DLGAP1: variants seen among roughly 807,000 people sequenced by gnomAD.
DLGAP1 encodes DLG associated protein 1.
DLGAP1 carries 11 observed loss-of-function variants against 90.8 expected under a neutral mutation model. The observed-to-expected ratio is 0.12, with a 90% CI of 0.08 to 0.20. DLGAP1 has a LOEUF of 0.20. DLGAP1 is among the 10% of genes least tolerant of loss of function. DLGAP1 has a pLI of 1.00. For synonymous variants in DLGAP1, 558 were observed against 540.7 expected (o/e 1.03, Z -0.44); for missense variants, 1,050 against 1,333.8 (o/e 0.79, Z 3.31).
chr18:4,216,659 C>A (rs1353597114), intron 1 of DLGAP1, among the ~76,000 whole-genome samples: 1 of 152,084 alleles, frequency 6.6e-6, no homozygotes, highest in African/African-American at 2.4e-5. Context: ...TTAGAATAGA[C>A]AACTTCTATC....
In DLGAP1 at chr18:4,103,526, T is replaced by C. The variant is rs533880674; in HGVS notation, c.-159+47654A>G. ...TTCTGGCCAACTTGATTAAATCTTT[T>C]ATTAGTCCTACATAGATAATAATAT... is the stretch of plus-strand genomic sequence containing the variant. On this transcript the variant is annotated intron_variant, in intron 2 of 12. Transcript: ENST00000315677. Among the ~76,000 whole-genome samples, 246 of 152,292 alleles carry C rather than the reference T, an allele frequency of 1.6e-3. 1 individual carries two copies. The highest frequency in any genetic ancestry group is 2.0e-3 in the Admixed American group (31 of 15,308).
intron 1 of DLGAP1, among the ~76,000 whole-genome samples, chr18:4,423,892 G>A (rs1160922862): frequency 5.0e-5 from 7 of 141,286 alleles, no homozygotes; most frequent in Non-Finnish European, 9.1e-5. Flanking sequence ...GTTGGCTCCC[G>A]CCTGTAATCC....
At position 3,786,559 on chromosome 18, in the gene DLGAP1, G is replaced by A. The variant is rs139869261; in HGVS notation, c.1172+27500C>T. On this transcript the variant is annotated intron_variant, in intron 5 of 12. Coordinates refer to ENST00000315677, the MANE Select transcript of DLGAP1 (RefSeq NM_004746.4). ...CTTGGGTTTGGACTAGCTATGGTGC[G>A]TGCCAGCATGGAACTCTCCAACTTC... 1.4e-3 allele frequency among the ~76,000 whole-genome samples: 220 copies of A among 152,188 alleles called. 2 individuals are homozygous for A. The highest frequency in any genetic ancestry group is 5.1e-3 in the African/African-American group (213 of 41,534).
At chr18:4,395,430 T>C (rs954907605) in intron 1 of DLGAP1, among the ~76,000 whole-genome samples, 2 of 152,304 alleles carry the variant, frequency 1.3e-5, no homozygotes, top group African/African-American at 4.8e-5. Context: ...TTAAAATTAT[T>C]ATTTCTAGCA....
intron 5 of DLGAP1, among the ~76,000 whole-genome samples, chr18:3,803,055 A>C (rs891591379): frequency 6.6e-6 from 1 of 152,204 alleles, no homozygotes; most frequent in Non-Finnish European, 1.5e-5. Context: ...TGGGAGGAAG[A>C]AGCTCTGCCT....
intron 1 of DLGAP1, among the ~76,000 whole-genome samples, chr18:4,170,385 C>T (rs2077002658): frequency 6.6e-6 from 1 of 152,050 alleles, no homozygotes; most frequent in Non-Finnish European, 1.5e-5. Flanking sequence ...GTCTATTAGA[C>T]ATCCTAATAA....
chr18:4,209,798 T>C (rs551186903), intron 1 of DLGAP1, among the ~76,000 whole-genome samples: 2 of 152,288 alleles, frequency 1.3e-5, no homozygotes, highest in South Asian at 4.1e-4. Flanking sequence ...TATAATAGTG[T>C]ATAAGAAAGA....
At chr18:4,252,723 A>C (rs1362399327) in intron 1 of DLGAP1, among the ~76,000 whole-genome samples, 1 of 152,258 alleles carries the variant, frequency 6.6e-6, no homozygotes, top group East Asian at 1.9e-4. Context: ...TGCAGAATTC[A>C]AATGCAGCCA....
intron 1 of DLGAP1, among the ~76,000 whole-genome samples, chr18:4,337,299 TC>T (rs919436216): frequency 1.2e-4 from 17 of 146,074 alleles, no homozygotes; most frequent in African/African-American, 4.0e-4. Flanking sequence ...GTTCAGGTGA[TC>T]CCCCCACCTC....
chr18:3,963,462 A>G (rs558021071), intron 3 of DLGAP1, among the ~76,000 whole-genome samples: 82 of 151,798 alleles, frequency 5.4e-4, no homozygotes, highest in African/African-American at 1.9e-3. Flanking sequence ...CCTCCTAATT[A>G]CTGACACATT....
intron 2 of DLGAP1, among the ~76,000 whole-genome samples, chr18:4,041,260 G>GTCA (rs745652830): frequency 6.6e-6 from 1 of 152,076 alleles, no homozygotes; most frequent in Non-Finnish European, 1.5e-5. Flanking sequence ...GCTTATTTAT[G>GTCA]TCATCATCAT....
At chr18:4,341,520 C>T (rs911517579) in intron 1 of DLGAP1, among the ~76,000 whole-genome samples, 2 of 152,078 alleles carry the variant, frequency 1.3e-5, no homozygotes, top group Admixed American at 6.6e-5. Flanking sequence ...TAATTTCCTC[C>T]AGAACAGTGG....
intron 3 of DLGAP1, chr18:3,894,713 C>T (rs1335453489): frequency 6.6e-6 from 1 of 152,100 alleles, no homozygotes; most frequent in Non-Finnish European, 1.5e-5. Flanking sequence ...ATATGGAATG[C>T]TTCATGAATT....
intron 7 of DLGAP1, among the ~76,000 whole-genome samples, chr18:3,632,808 G>GT (rs1179421872): frequency 1.3e-5 from 2 of 152,086 alleles, no homozygotes; most frequent in Non-Finnish European, 2.9e-5. Flanking sequence ...ATGGCTTGAA[G>GT]TTTTTTGGAC....
intron 4 of DLGAP1, 103 bp from the exon 5 acceptor site, chr18:3,814,376 T>C: frequency 8.7e-7 from 1 of 1,150,704 alleles, no homozygotes; most frequent in Non-Finnish European, 1.2e-6. Context: ...TTTTTTTTTT[T>C]TTTGAGATGG....
intron 1 of DLGAP1, among the ~76,000 whole-genome samples, chr18:4,275,997 T>G (rs2079403607): frequency 6.6e-6 from 1 of 151,788 alleles, no homozygotes; most frequent in South Asian, 2.1e-4. Flanking sequence ...ATGCAAATAT[T>G]CTGTGGCTAG....
At chr18:4,237,777 T>C (rs528594833) in intron 1 of DLGAP1, among the ~76,000 whole-genome samples, 1 of 152,188 alleles carries the variant, frequency 6.6e-6, no homozygotes, top group Non-Finnish European at 1.5e-5. Flanking sequence ...GCGGGAATTA[T>C]TGAACTTAAA....
intron 8 of DLGAP1, among the ~76,000 whole-genome samples, chr18:3,568,378 T>C (rs1368928799): frequency 1.3e-5 from 2 of 152,174 alleles, no homozygotes; most frequent in African/African-American, 4.8e-5. Context: ...CCATAGTTTC[T>C]AAATAGCTAT....
chr18:4,312,123 C>T (rs1375730929), intron 1 of DLGAP1, among the ~76,000 whole-genome samples: 2 of 152,124 alleles, frequency 1.3e-5, no homozygotes, highest in Non-Finnish European at 2.9e-5. Context: ...AGTGCTGGGA[C>T]TACAGGCATG....
Sources: allele counts gnomAD v4.1 joint callset (sites outside exome capture counted in the v4.1 genomes callset), GRCh38; gene constraint gnomAD v4.1.1; transcripts MANE v1.5; gene names NCBI Gene and HGNC (gene_info 2026-07-23, HGNC 2026-07-21).